TENM2: variants seen among roughly 807,000 people sequenced by gnomAD.
TENM2 encodes teneurin transmembrane protein 2, also known as teneurin-2.
TENM2 carries 52 observed loss-of-function variants against 245.2 expected under a neutral mutation model. The observed-to-expected ratio is 0.21, with a 90% CI of 0.17 to 0.27. The LOEUF (loss-of-function observed/expected upper bound fraction) is 0.27. Ranked by LOEUF, TENM2 falls within the 10% of genes least tolerant of loss-of-function variation. The pLI is 1.00. For missense variants in TENM2, 3,046 were observed against 3,666.8 expected (o/e 0.83, Z 4.37); for synonymous variants, 1,363 against 1,438.9 (o/e 0.95, Z 1.19).
chr5:167,646,146 ATGT>A (rs1258655320), intron 2 of TENM2, among the ~76,000 whole-genome samples: 3 of 128,544 alleles, frequency 2.3e-5, no homozygotes, highest in Non-Finnish European at 5.0e-5. Flanking sequence ...TTATATATAT[ATGT>A]TGTTTTCATA....
At chr5:167,214,709 C>A in the TENM2 span, among the ~76,000 whole-genome samples, 3,633 of 152,226 alleles carry the variant, frequency 0.024, 131 homozygotes, top group African/African-American at 0.083. Context: ...TAGAGATTGG[C>A]AATACATATG....
the TENM2 span, among the ~76,000 whole-genome samples, chr5:167,112,044 T>C: frequency 2.6e-5 from 4 of 152,182 alleles, no homozygotes; most frequent in Non-Finnish European, 5.9e-5. Context: ...AAATACACAC[T>C]CCAAAATGTA....
chr5:167,434,681 G>A (rs1016442702), intron 2 of TENM2, among the ~76,000 whole-genome samples: 2 of 152,034 alleles, frequency 1.3e-5, no homozygotes, highest in African/African-American at 4.8e-5. Context: ...TGAATTTTAT[G>A]TGGATTTAGT....
intron 10 of TENM2, among the ~76,000 whole-genome samples, chr5:168,122,237 C>T (rs1032502060): frequency 2.9e-4 from 44 of 152,308 alleles, no homozygotes; most frequent in African/African-American, 8.2e-4. Flanking sequence ...GGTGCAGTGG[C>T]GCAATCTCGG....
chr5:167,535,287 G>C (rs1055011759), intron 2 of TENM2, among the ~76,000 whole-genome samples: 2 of 151,914 alleles, frequency 1.3e-5, no homozygotes, highest in Non-Finnish European at 2.9e-5. Flanking sequence ...GCGCCTCAAA[G>C]GGGTGACATA....
At chr5:167,366,328 A>G (rs1760052664) in intron 1 of TENM2, among the ~76,000 whole-genome samples, 1 of 152,148 alleles carries the variant, frequency 6.6e-6, no homozygotes, top group Non-Finnish European at 1.5e-5. Flanking sequence ...TTTCTAAATC[A>G]ACTCATGACA....
At chr5:167,937,112 T>C (rs1778782423) in intron 3 of TENM2, among the ~76,000 whole-genome samples, 1 of 152,224 alleles carries the variant, frequency 6.6e-6, no homozygotes, top group South Asian at 2.1e-4. Flanking sequence ...CTCACATACT[T>C]TTCAGTTCTT....
At chr5:167,703,951 A>G (rs2150452257) in intron 2 of TENM2, among the ~76,000 whole-genome samples, 1 of 152,300 alleles carries the variant, frequency 6.6e-6, no homozygotes, top group African/African-American at 2.4e-5. Flanking sequence ...CCCTTTCTTA[A>G]CCTGAAGAAG....
At chr5:168,064,803 G>A (rs1790352823) in intron 7 of TENM2, among the ~76,000 whole-genome samples, 1 of 152,188 alleles carries the variant, frequency 6.6e-6, no homozygotes, top group African/African-American at 2.4e-5. Context: ...AAGTAAGCAA[G>A]CCACCGTGCC....
chr5:167,929,006 G>GAGAAAA (rs963835780), intron 3 of TENM2, among the ~76,000 whole-genome samples: 1 of 124,558 alleles, frequency 8.0e-6, no homozygotes, highest in Non-Finnish European at 1.7e-5. Context: ...GAGAGAAAGA[G>GAGAAAA]AGAAAAAGAA....
At chr5:167,148,784 A>G in the TENM2 span, among the ~76,000 whole-genome samples, 1 of 152,170 alleles carries the variant, frequency 6.6e-6, no homozygotes, top group African/African-American at 2.4e-5. Flanking sequence ...TTTGTCTGCT[A>G]ATGTAGCCCA....
At chr5:167,550,529 C>T (rs1772858103) in intron 2 of TENM2, among the ~76,000 whole-genome samples, 1 of 152,158 alleles carries the variant, frequency 6.6e-6, no homozygotes, top group African/African-American at 2.4e-5. Flanking sequence ...TCGCACACCC[C>T]TCCTGCATCC....
At chr5:167,958,889 C>A (rs988026388) in intron 4 of TENM2, among the ~76,000 whole-genome samples, 2 of 152,098 alleles carry the variant, frequency 1.3e-5, no homozygotes, top group African/African-American at 4.8e-5. Flanking sequence ...GTAACTTGAC[C>A]TTTCTCTCTG....
At chr5:167,676,019 A>G (rs148427144) in intron 2 of TENM2, among the ~76,000 whole-genome samples, 4 of 152,164 alleles carry the variant, frequency 2.6e-5, no homozygotes, top group Admixed American at 6.6e-5. Flanking sequence ...ATGACCTAGA[A>G]CAGACAACAT....
chr5:167,504,628 T>C (rs910913382), intron 2 of TENM2, among the ~76,000 whole-genome samples: 8 of 152,212 alleles, frequency 5.3e-5, no homozygotes, highest in African/African-American at 1.9e-4. Context: ...AAGAGCTGTG[T>C]GGCTCTGCAG....
chr5:167,293,067 C>T (rs1754730329), intron 1 of TENM2, among the ~76,000 whole-genome samples: 2 of 152,180 alleles, frequency 1.3e-5, no homozygotes, highest in Admixed American at 6.5e-5. Context: ...GTGCTGGTTT[C>T]AGCTTGTGGA....
intron 24 of TENM2, 32 bp from the exon 27 acceptor site, chr5:168,227,863 C>A: frequency 7.1e-7 from 1 of 1,404,694 alleles, no homozygotes; most frequent in Non-Finnish European, 9.8e-7. Flanking sequence ...TAATTTATTT[C>A]CCTATCCCCA....
chr5:167,736,815 G>A (rs1395945302), intron 2 of TENM2, among the ~76,000 whole-genome samples: 1 of 152,064 alleles, frequency 6.6e-6, no homozygotes, highest in East Asian at 1.9e-4. Flanking sequence ...CCTATCTGAA[G>A]ACCCATAGGC....
At chr5:168,129,134 A>C (rs376273677) in intron 12 of TENM2, 2 of 152,318 alleles carry the variant, frequency 1.3e-5, no homozygotes, top group East Asian at 3.9e-4. Flanking sequence ...AAAACAGTAG[A>C]TGTGCTGAAA....
Sources: allele counts gnomAD v4.1 joint callset (sites outside exome capture counted in the v4.1 genomes callset), GRCh38; gene constraint gnomAD v4.1.1; transcripts MANE v1.5; gene names NCBI Gene and HGNC (gene_info 2026-07-23, HGNC 2026-07-21).